The following CCDC134 variants were observed in gnomAD, a reference collection of about 807,000 sequenced individuals.
The protein encoded by CCDC134 is coiled-coil domain containing 134.
Under a neutral mutation model 25.6 loss-of-function variants are expected in CCDC134, and 27 were observed. The observed-to-expected ratio is 1.05, with a 90% CI of 0.78 to 1.45. The LOEUF (loss-of-function observed/expected upper bound fraction) is 1.45, where lower values mean the gene tolerates loss of function less well. Among genes scored for constraint, CCDC134 ranks in the 40% most tolerant of loss-of-function variants. The probability of loss-of-function intolerance (pLI) is 0.00; values close to 1 mark genes in which losing one functional copy is unlikely to be tolerated. For synonymous variants in CCDC134, 110 were observed against 115.0 expected, an observed-to-expected ratio of 0.96 and a Z score of 0.28; for missense variants, 261 against 286.7, an observed-to-expected ratio of 0.91 and a Z score of 0.65.
chr22:41,803,520 C>T (rs2076553936), intron 1 of CCDC134, among the ~76,000 whole-genome samples: 2 of 152,176 alleles, frequency 1.3e-5, no homozygotes, highest in Admixed American at 1.3e-4. Context: ...GTAATCCTGG[C>T]ACTTTGGGAG....
At chr22:41,823,877 C>T (rs1429500536) in intron 6 of CCDC134, among the ~76,000 whole-genome samples, 1 of 152,268 alleles carries the variant, frequency 6.6e-6, no homozygotes, top group Non-Finnish European at 1.5e-5. Context: ...TCCACACAGA[C>T]AGTGGCCCTG....
At chr22:41,812,981 C>A (rs1354662816) in intron 4 of CCDC134, among the ~76,000 whole-genome samples, 1 of 152,162 alleles carries the variant, frequency 6.6e-6, no homozygotes, top group East Asian at 1.9e-4. Context: ...GTTTGCAGCC[C>A]AGATTTGCTA....
At chr22:41,818,930 C>T (rs1171419618) in intron 6 of CCDC134, among the ~76,000 whole-genome samples, 2 of 152,220 alleles carry the variant, frequency 1.3e-5, no homozygotes, top group African/African-American at 4.8e-5. Context: ...AGATGCCTCA[C>T]TTAAACGCAG....
At position 41,825,583 on chromosome 22, in the gene CCDC134, G is replaced by C; in HGVS notation, c.565-115G>C. ...AACCCATTTCCTGTCTCCGTGTCTGGGGCAGGGCCTGTGTCCAGGGAACCT... is the reference window on the plus strand; with the variant it reads ...AACCCATTTCCTGTCTCCGTGTCTGCGGCAGGGCCTGTGTCCAGGGAACCT... On this transcript the variant is annotated intron_variant, in intron 6 of 6. Coordinates refer to ENST00000255784, the MANE Select transcript of CCDC134 (RefSeq NM_024821.5). The surrounding 1 kb of genome is among the most constrained non-coding windows in gnomAD (Gnocchi z 4.4). 3.7e-6 allele frequency: 5 copies of C among 1,349,596 alleles called. No homozygotes were observed. The highest frequency in any genetic ancestry group is 5.1e-6 in the Non-Finnish European group (5 of 978,548). 83.6% of individuals were successfully genotyped at this position (1,349,596 alleles called of 1,614,324 possible).
chr22:41,805,913 AAAAT>A (rs1288463132), intron 1 of CCDC134, among the ~76,000 whole-genome samples: 1 of 152,326 alleles, frequency 6.6e-6, no homozygotes, highest in East Asian at 1.9e-4. Context: ...CCCTGTCTCA[AAAAT>A]AAATAAATAA....
intron 4 of CCDC134, 128 bp from the exon 5 acceptor site, chr22:41,813,136 C>A: frequency 1.1e-6 from 1 of 876,288 alleles, no homozygotes; most frequent in Non-Finnish European, 1.8e-6. Flanking sequence ...AGCCTGTGGT[C>A]AGTAGGCACT....
chr22:41,815,564 A>G (rs963159781), intron 6 of CCDC134, among the ~76,000 whole-genome samples: 4 of 152,182 alleles, frequency 2.6e-5, no homozygotes, highest in Non-Finnish European at 5.9e-5. Flanking sequence ...GATAGAGGCT[A>G]GGACCAAATC....
At chr22:41,810,817 CT>C (rs2076592308) in intron 4 of CCDC134, among the ~76,000 whole-genome samples, 1 of 152,116 alleles carries the variant, frequency 6.6e-6, no homozygotes, top group African/African-American at 2.4e-5. Context: ...TTAGATTACA[CT>C]GAGAGGATGC....
At chr22:41,820,238 C>T (rs763119702) in intron 6 of CCDC134, among the ~76,000 whole-genome samples, 8 of 151,518 alleles carry the variant, frequency 5.3e-5, no homozygotes, top group South Asian at 2.1e-4. Context: ...CCTCGTGATC[C>T]GCCCACCTCG....
At chr22:41,803,732 C>T (rs547785566) in intron 1 of CCDC134, among the ~76,000 whole-genome samples, 4 of 152,268 alleles carry the variant, frequency 2.6e-5, no homozygotes, top group African/African-American at 9.6e-5. Flanking sequence ...GGTGCCACTG[C>T]ACTCCAGCTC....
intron 4 of CCDC134, 94 bp downstream of exon 4, chr22:41,810,385 C>A: frequency 8.3e-7 from 1 of 1,212,070 alleles, no homozygotes; most frequent in South Asian, 1.4e-5. Flanking sequence ...TTTTTCTCCC[C>A]GGAAGTGCCC....
At position 41,828,089 on chromosome 22, in the gene CCDC134, C is replaced by T. The variant is rs2076688068; in HGVS notation, c.*2266C>T. ...GCTGGAGGTTCTTTCTACTGAATAACTTCTACGGGCTCTGTCATTAGCAGG... is the reference window on the plus strand; with the variant it reads ...GCTGGAGGTTCTTTCTACTGAATAATTTCTACGGGCTCTGTCATTAGCAGG... On this transcript the variant is annotated 3_prime_UTR_variant, in exon 7 of 7. Coordinates refer to ENST00000255784, the MANE Select transcript of CCDC134 (RefSeq NM_024821.5). Among the ~76,000 whole-genome samples the T allele has an allele frequency of 6.6e-6, 1 of 152,204 alleles. No individual in the cohort carries two copies. Among genetic ancestry groups the T allele is most frequent in the Admixed American group, 6.5e-5 (1 of 15,284 alleles).
chr22:41,808,815 T>C, intron 1 of CCDC134, 60 bp from the exon 2 acceptor site: 1 of 1,348,622 alleles, frequency 7.4e-7, no homozygotes. Context: ...ACCTGTGCAC[T>C]CTATTTTATG....
Position 41,825,697 on chromosome 22 carries a change from GTTCA to G in CCDC134, c.568_571del (p.Ile190ProfsTer10). ...TCAGACTGCTCTTCTCTTCCCTTCA[GTTCA>G]TTCCCAGCACTGACCCTTTCCAGAA... On this transcript the variant is annotated frameshift_variant and splice_region_variant, in exon 7 of 7. Coordinates refer to ENST00000255784, the MANE Select transcript of CCDC134 (RefSeq NM_024821.5). LOFTEE classifies it high-confidence loss of function. This position sits in a 1 kb window ranked among gnomAD's most constrained non-coding sequence, Gnocchi z 4.4. 1 of 1,613,990 alleles carries G rather than the reference GTTCA, an allele frequency of 6.2e-7. No homozygotes were observed. The highest frequency in any genetic ancestry group is 8.5e-7 in the Non-Finnish European group (1 of 1,179,912).
At chr22:41,801,192 AG>A (rs1297549762) in intron 1 of CCDC134, among the ~76,000 whole-genome samples, 1 of 152,084 alleles carries the variant, frequency 6.6e-6, no homozygotes, top group Admixed American at 6.6e-5. Context: ...TGGCCCCTAA[AG>A]TTTTGCCCTA....
intron 4 of CCDC134, among the ~76,000 whole-genome samples, chr22:41,812,656 A>T (rs1271180300): frequency 6.6e-6 from 1 of 152,138 alleles, no homozygotes; most frequent in Non-Finnish European, 1.5e-5. Flanking sequence ...AATTAATTAA[A>T]TATATTCATT....
At chr22:41,802,243 T>C (rs2076547076) in intron 1 of CCDC134, among the ~76,000 whole-genome samples, 1 of 152,242 alleles carries the variant, frequency 6.6e-6, no homozygotes, top group East Asian at 1.9e-4. Flanking sequence ...GTTTTGATTC[T>C]AACAACTTTC....
intron 6 of CCDC134, among the ~76,000 whole-genome samples, chr22:41,815,292 G>C (rs1260179403): frequency 7.1e-6 from 1 of 141,672 alleles, no homozygotes; most frequent in Non-Finnish European, 1.5e-5. Context: ...TGCAAGTTCT[G>C]CCTCCTGGGT....
In CCDC134 at chr22:41,810,331, C is replaced by A. The variant is rs771746092; in HGVS notation, c.310+40C>A. ...GCCCCGCCCTGTCCTCCGCACCACCCGATCTTCTCTAGCTGCTCCTTCTCT... is the reference window on the plus strand; with the variant it reads ...GCCCCGCCCTGTCCTCCGCACCACCAGATCTTCTCTAGCTGCTCCTTCTCT... On this transcript the variant is annotated intron_variant, in intron 4 of 6. Coordinates refer to ENST00000255784, the MANE Select transcript of CCDC134 (RefSeq NM_024821.5). The A allele has an allele frequency of 2.3e-5, 36 of 1,552,122 alleles. 1 individual carries two copies. The highest frequency in any genetic ancestry group is 3.0e-5 in the Non-Finnish European group (34 of 1,127,996).
Sources: gnomAD v4.1 joint callset for allele counts (sites outside exome capture counted in the v4.1 genomes callset) on GRCh38, gnomAD v4.1.1 for gene constraint, Gnocchi (gnomAD v3.1) non-coding constraint, MANE v1.5 for transcripts, NCBI Gene and HGNC (gene_info 2026-07-23, HGNC 2026-07-21) for gene names.